Variants in RASAL2 observed in about 807,000 individuals in gnomAD.
RASAL2 encodes RAS protein activator like 2, also known as ras GTPase-activating protein nGAP.
In RASAL2, 58 loss-of-function variants were observed where a neutral mutation model predicts 128.9. The observed-to-expected ratio is 0.45, with a 90% CI of 0.36 to 0.56. RASAL2 has a LOEUF of 0.56. RASAL2 is among the 20% of genes least tolerant of loss of function. RASAL2 has a pLI of 0.00. For missense variants in RASAL2, 1,360 were observed against 1,601.6 expected, an observed-to-expected ratio of 0.85 and a Z score of 2.57; for synonymous variants, 561 against 580.8, an observed-to-expected ratio of 0.97 and a Z score of 0.49.
chr1:178,428,042 G>A (rs1363470678), intron 5 of RASAL2, among the ~76,000 whole-genome samples: 1 of 148,504 alleles, frequency 6.7e-6, no homozygotes, highest in Non-Finnish European at 1.5e-5. Context: ...GTTGAGATTG[G>A]CTTTTTTTTT....
intron 1 of RASAL2, among the ~76,000 whole-genome samples, chr1:178,240,036 A>T (rs1485307415): frequency 6.6e-6 from 1 of 151,970 alleles, no homozygotes; most frequent in Non-Finnish European, 1.5e-5. Context: ...CTTTACACAG[A>T]TTTTTATACT....
intron 1 of RASAL2, among the ~76,000 whole-genome samples, chr1:178,162,324 A>G (rs1332346582): frequency 1.6e-5 from 2 of 128,476 alleles, no homozygotes; most frequent in Non-Finnish European, 3.1e-5. Context: ...ATTATATATT[A>G]TATTTATAAT....
intron 1 of RASAL2, among the ~76,000 whole-genome samples, chr1:178,185,242 TAG>T (rs929926832): frequency 6.6e-6 from 1 of 151,968 alleles, no homozygotes; most frequent in Non-Finnish European, 1.5e-5. Context: ...AGGTTTTTAG[TAG>T]AGTCTTTACA....
chr1:178,265,488 C>T (rs1571738126), intron 1 of RASAL2, among the ~76,000 whole-genome samples: 1 of 152,152 alleles, frequency 6.6e-6, no homozygotes, highest in East Asian at 1.9e-4. Flanking sequence ...TTGTTAAGCA[C>T]TCAGTATGCA....
chr1:178,283,681 A>G lies in RASAL2; in HGVS notation c.320A>G (p.Lys107Arg). The change falls in exon 2 of 18, where the codon AAG (lysine) becomes AGG (arginine). Residue 107 changes from lysine (K) to arginine (R), a missense_variant. This residue lies in a region of RASAL2 where 617 missense variants were observed against 714.2 expected (regional missense o/e 0.86). Transcript: ENST00000367649. ...GACAGCCAGTTGGTATTGCTCAACA[A>G]GGAGAAGGAGGTGAGATGGATATTA... ...LTDSQLVLLN[K>R]EKEIPVEGGQ... 2 of 1,613,764 alleles carry G rather than the reference A, an allele frequency of 1.2e-6. No individual in the cohort carries two copies. Among genetic ancestry groups the G allele is most frequent in the Non-Finnish European group, 1.7e-6 (2 of 1,179,910 alleles).
intron 1 of RASAL2, among the ~76,000 whole-genome samples, chr1:178,282,766 A>T (rs996217649): frequency 6.6e-6 from 1 of 152,162 alleles, no homozygotes; most frequent in Non-Finnish European, 1.5e-5. Context: ...CTTTTAATAT[A>T]TATCGAACTG....
chr1:178,371,956 C>T (rs1671741593), intron 3 of RASAL2, among the ~76,000 whole-genome samples: 1 of 152,152 alleles, frequency 6.6e-6, no homozygotes, highest in Middle Eastern at 3.4e-3. Flanking sequence ...CTTTTTCTTT[C>T]AGACTAAAGC....
intron 15 of RASAL2, 69 bp from the exon 16 acceptor site, chr1:178,465,840 GAGAAAGAAAGA>G (rs1647625335): frequency 2.3e-5 from 25 of 1,103,926 alleles, no homozygotes; most frequent in Non-Finnish European, 2.8e-5. Flanking sequence ...AAGAAAGAAA[GAGAAAGAAAGA>G]AAAGTAAATC....
chr1:178,387,603 C>G (rs578111478), intron 3 of RASAL2, among the ~76,000 whole-genome samples: 76 of 151,910 alleles, frequency 5.0e-4, no homozygotes, highest in Admixed American at 6.6e-4. Flanking sequence ...CAGTTCCCAC[C>G]TATGAGTGAG....
At chr1:178,154,937 C>T (rs1437869766) in intron 1 of RASAL2, among the ~76,000 whole-genome samples, 2 of 152,140 alleles carry the variant, frequency 1.3e-5, no homozygotes, top group Admixed American at 1.3e-4. Flanking sequence ...GATTCTCCTG[C>T]CTCAACCTCC....
At chr1:178,241,252 G>T (rs1327363733) in intron 1 of RASAL2, among the ~76,000 whole-genome samples, 2 of 152,070 alleles carry the variant, frequency 1.3e-5, no homozygotes, top group African/African-American at 4.8e-5. Context: ...GTCACTGTAT[G>T]AAAGAATGAA....
At chr1:178,382,256 C>T (rs1438159168) in intron 3 of RASAL2, among the ~76,000 whole-genome samples, 1 of 152,068 alleles carries the variant, frequency 6.6e-6, no homozygotes, top group Non-Finnish European at 1.5e-5. Flanking sequence ...TCACCATTAA[C>T]TTTTGTCATT....
intron 1 of RASAL2, among the ~76,000 whole-genome samples, chr1:178,180,976 T>A (rs1662088138): frequency 6.6e-6 from 1 of 152,174 alleles, no homozygotes; most frequent in Admixed American, 6.5e-5. Context: ...CCTAATGACA[T>A]AATGCTATTC....
chr1:178,237,199 GTAAGT>G (rs1478001220), intron 1 of RASAL2, among the ~76,000 whole-genome samples: 1 of 152,126 alleles, frequency 6.6e-6, no homozygotes, highest in Non-Finnish European at 1.5e-5. Flanking sequence ...TACACAGCTA[GTAAGT>G]TGTGGGTCCT....
chr1:178,426,566 A>T (rs1190191092), intron 5 of RASAL2, among the ~76,000 whole-genome samples: 1 of 152,158 alleles, frequency 6.6e-6, no homozygotes, highest in Non-Finnish European at 1.5e-5. Context: ...AGAATAGGTA[A>T]ATCAATTTAT....
chr1:178,148,571 C>T (rs945675403), intron 1 of RASAL2, among the ~76,000 whole-genome samples: 6 of 151,992 alleles, frequency 3.9e-5, no homozygotes, highest in Non-Finnish European at 7.4e-5. Context: ...GCCTCAGCTC[C>T]TCAAGCAACT....
chr1:178,320,272 G>A (rs1051410128), intron 3 of RASAL2, among the ~76,000 whole-genome samples: 5 of 152,064 alleles, frequency 3.3e-5, no homozygotes, highest in Non-Finnish European at 7.4e-5. Context: ...GCCCCCAGAG[G>A]TGGAGCCTAC....
intron 1 of RASAL2, among the ~76,000 whole-genome samples, chr1:178,154,376 C>T (rs1432226733): frequency 2.6e-5 from 4 of 151,816 alleles, no homozygotes; most frequent in Admixed American, 2.0e-4. Flanking sequence ...GTTGAACTCC[C>T]GGGCTCAAGC....
At chr1:178,347,888 A>T (rs1048449607) in intron 3 of RASAL2, among the ~76,000 whole-genome samples, 6 of 152,230 alleles carry the variant, frequency 3.9e-5, no homozygotes, top group African/African-American at 1.4e-4. Flanking sequence ...ACAGCTAAAA[A>T]TTTGAAACTA....
Sources: allele counts gnomAD v4.1 joint callset (sites outside exome capture counted in the v4.1 genomes callset), GRCh38; gene constraint gnomAD v4.1.1; regional missense constraint gnomAD v4.1.1; transcripts MANE v1.5; gene names NCBI Gene and HGNC (gene_info 2026-07-23, HGNC 2026-07-21).